Variants in TBC1D16 observed in about 807,000 individuals in gnomAD.
The protein encoded by TBC1D16 is CTD-2529O21.1.
In TBC1D16, 58 loss-of-function variants were observed where a neutral mutation model predicts 74.7. The ratio of observed to expected loss-of-function variants is 0.78; its 90% confidence interval spans 0.63 to 0.97. The LOEUF is 0.97. Among genes scored for constraint, TBC1D16 ranks in the 50% least tolerant of loss-of-function variants. The pLI is 0.00. For synonymous variants in TBC1D16, 493 were observed against 474.7 expected, an observed-to-expected ratio of 1.04 and a Z score of -0.50; for missense variants, 1,014 against 1,079.5, an observed-to-expected ratio of 0.94 and a Z score of 0.85.
intron 1 of TBC1D16, among the ~76,000 whole-genome samples, chr17:80,017,680 C>CA (rs57336950): frequency 0.13 from 11,228 of 84,516 alleles, 595 homozygotes; most frequent in Non-Finnish European, 0.17. Context: ...GACTCCATCT[C>CA]AAAAAAAAAA....
At chr17:80,004,013 C>A (rs1010187387) in intron 3 of TBC1D16, among the ~76,000 whole-genome samples, 7 of 152,226 alleles carry the variant, frequency 4.6e-5, no homozygotes, top group African/African-American at 7.2e-5. Context: ...TGTGCTGCCG[C>A]CACCGTATGC....
At chr17:80,005,401 A>G (rs1267629103) in intron 3 of TBC1D16, among the ~76,000 whole-genome samples, 2 of 152,228 alleles carry the variant, frequency 1.3e-5, no homozygotes, top group African/African-American at 2.4e-5. Flanking sequence ...CCCTCGCCCA[A>G]CTGGCCTTTT....
chr17:80,000,828 G>T lies in TBC1D16; in HGVS notation c.779+9332C>A, dbSNP rs1047393259. Among the ~76,000 whole-genome samples the T allele has an allele frequency of 6.6e-6, 1 of 152,228 alleles. No individual in the cohort carries two copies. The highest frequency in any genetic ancestry group is 1.5e-5 in the Non-Finnish European group (1 of 68,034). On this transcript the variant is annotated intron_variant, in intron 3 of 11. Transcript: ENST00000310924. The surrounding 1 kb of genome is among the most constrained non-coding windows in gnomAD (Gnocchi z 4.1). ...AGGCCACCCCCTGCGGGTCTTGAGT[G>T]GAGCTTGGATTCACAGCTGGGTCTC...
rs964537456 is a variant in TBC1D16, at chr17:79,936,911, T to TGTGTGCATGTGCGC, written c.*3947_*3948insGCGCACATGCACAC. The TGTGTGCATGTGCGC allele has an allele frequency of 1.1e-5, 1 of 93,258 alleles. No individual in the cohort carries two copies. Among genetic ancestry groups the TGTGTGCATGTGCGC allele is most frequent in the Admixed American group, 1.2e-4 (1 of 8,686 alleles). The allele number at this position is 93,258 out of a possible 1,614,324, so 5.8% of individuals were successfully genotyped here. On this transcript the variant is annotated 3_prime_UTR_variant, in exon 12 of 12. Coordinates refer to ENST00000310924, the MANE Select transcript of TBC1D16 (RefSeq NM_019020.4). ...GCATGCGTGCGTGTGTGCATGTGCGTGTGTGTGTGTGTGTGTGTGTGTGTG... is the reference window on the plus strand; with the variant it reads ...GCATGCGTGCGTGTGTGCATGTGCGTGTGTGCATGTGCGCGTGTGTGTGTGTGTGTGTGTGTGTG...
At chr17:79,960,809 A>AAAAAAAAAAAC (rs2033576160) in intron 3 of TBC1D16, among the ~76,000 whole-genome samples, 1 of 136,146 alleles carries the variant, frequency 7.3e-6, no homozygotes, top group African/African-American at 2.9e-5. Flanking sequence ...AAAAAAAAAA[A>AAAAAAAAAAAC]CGAAGGAATG....
chr17:80,028,541 GA>G (rs1018689901), intron 1 of TBC1D16, among the ~76,000 whole-genome samples: 11 of 148,978 alleles, frequency 7.4e-5, no homozygotes, highest in East Asian at 4.0e-4. Flanking sequence ...AAAAGAAAAA[GA>G]AAAAAAAGAA....
chr17:79,979,400 TGGCCCTCTCGA>T lies in TBC1D16; in HGVS notation c.780-26593_780-26583del, dbSNP rs933668658. On this transcript the variant is annotated intron_variant, in intron 3 of 11. Coordinates refer to ENST00000310924, the MANE Select transcript of TBC1D16 (RefSeq NM_019020.4). This position sits in a 1 kb window ranked among gnomAD's most constrained non-coding sequence, Gnocchi z 4.8. Reference sequence around the variant, plus strand: ...GGCATCCCCAGTGCCGCCAATCACGTGGCCCTCTCGAGGTGAAGCTGCGACACTGTGTGGAA... The same window carrying T: ...GGCATCCCCAGTGCCGCCAATCACGTGGTGAAGCTGCGACACTGTGTGGAA... Among the ~76,000 whole-genome samples, 1 of 152,102 alleles carries T rather than the reference TGGCCCTCTCGA, an allele frequency of 6.6e-6. No homozygotes were observed. The highest frequency in any genetic ancestry group is 2.4e-5 in the African/African-American group (1 of 41,434).
intron 2 of TBC1D16, among the ~76,000 whole-genome samples, chr17:80,012,445 G>A (rs546397997): frequency 2.2e-4 from 34 of 152,316 alleles, no homozygotes; most frequent in Admixed American, 4.6e-4. Context: ...TATCAAGGCA[G>A]GGGGACAGAA....
Position 79,944,393 on chromosome 17 carries a change from T to G in TBC1D16, c.1908+515A>C, listed in dbSNP as rs11869820. On this transcript the variant is annotated intron_variant, in intron 10 of 11. Coordinates refer to ENST00000310924, the MANE Select transcript of TBC1D16 (RefSeq NM_019020.4). This position sits in a 1 kb window ranked among gnomAD's most constrained non-coding sequence, Gnocchi z 7.7. ...GCCAGTGCTGTGCTCCAAGGGGAAT[T>G]TGCTGAGAAGATGCTGGTGACGGTG... Among the ~76,000 whole-genome samples, 216 of 152,310 alleles carry G rather than the reference T, an allele frequency of 1.4e-3. No homozygotes were observed. Among genetic ancestry groups the G allele is most frequent in the African/African-American group, 4.7e-3 (194 of 41,566 alleles).
chr17:80,000,918 C>A lies in TBC1D16; in HGVS notation c.779+9242G>T, dbSNP rs1161923835. Reference sequence around the variant, plus strand: ...GCCAGCCCCTTCTCTGCCTAGACATCATGTGTGAGCCAAACAGCCATGCCA... The same window carrying A: ...GCCAGCCCCTTCTCTGCCTAGACATAATGTGTGAGCCAAACAGCCATGCCA... On this transcript the variant is annotated intron_variant, in intron 3 of 11. Transcript: ENST00000310924. This position sits in a 1 kb window ranked among gnomAD's most constrained non-coding sequence, Gnocchi z 4.1. 6.6e-6 allele frequency among the ~76,000 whole-genome samples: 1 copy of A among 152,232 alleles called. No homozygotes were observed. Among genetic ancestry groups the A allele is most frequent in the Non-Finnish European group, 1.5e-5 (1 of 68,044 alleles).
chr17:79,946,845 G>A (rs1457978377), intron 9 of TBC1D16, among the ~76,000 whole-genome samples: 2 of 152,336 alleles, frequency 1.3e-5, no homozygotes, highest in African/African-American at 2.4e-5. Flanking sequence ...CCCGGTGCAG[G>A]AGCCCTCTTG....
intron 3 of TBC1D16, among the ~76,000 whole-genome samples, chr17:79,967,135 TC>T (rs1340705493): frequency 6.6e-6 from 1 of 152,206 alleles, no homozygotes; most frequent in African/African-American, 2.4e-5. Context: ...CTAAAAGTTT[TC>T]CCCCATATAA....
rs2034826733 is a variant in TBC1D16, at chr17:79,986,179, T to C, written c.779+23981A>G. ...CACTGCAGTGCCAATTTCCTCGTGG[T>C]CCCAAAGTGCGGGAGGGAGGGCAGG... On this transcript the variant is annotated intron_variant, in intron 3 of 11. Transcript: ENST00000310924. This position sits in a 1 kb window ranked among gnomAD's most constrained non-coding sequence, Gnocchi z 6.0. 6.6e-6 allele frequency among the ~76,000 whole-genome samples: 1 copy of C among 152,158 alleles called. No homozygotes were observed. Among genetic ancestry groups the C allele is most frequent in the South Asian group, 2.1e-4 (1 of 4,822 alleles).
intron 3 of TBC1D16, among the ~76,000 whole-genome samples, chr17:79,959,380 T>C (rs1410754032): frequency 1.3e-5 from 2 of 152,190 alleles, no homozygotes; most frequent in East Asian, 3.8e-4. Flanking sequence ...GAATTTTTAG[T>C]GAAAATTGAT....
rs142567822 is a variant in TBC1D16, at chr17:80,003,558, G to A, written c.779+6602C>T. Among the ~76,000 whole-genome samples, 26 of 152,076 alleles carry A rather than the reference G, an allele frequency of 1.7e-4. No homozygotes were observed. The East Asian group carries it at 3.1e-3, about 18-fold the overall frequency. On this transcript the variant is annotated intron_variant, in intron 3 of 11. Coordinates refer to ENST00000310924, the MANE Select transcript of TBC1D16 (RefSeq NM_019020.4). ...ATGCTTAGCGTCCCCAAATGTGCAG[G>A]TTCTCCCCTTCTGTCTATTTTTATA...
chr17:79,997,386 G>C (rs1404025853), intron 3 of TBC1D16, among the ~76,000 whole-genome samples: 7 of 151,206 alleles, frequency 4.6e-5, no homozygotes, highest in Non-Finnish European at 8.8e-5. Context: ...TAGTTACTTC[G>C]AAATAAAAAC....
At chr17:79,976,270 C>T (rs116618485) in intron 3 of TBC1D16, among the ~76,000 whole-genome samples, 26 of 152,338 alleles carry the variant, frequency 1.7e-4, no homozygotes, top group African/African-American at 6.0e-4. Context: ...GGCCCCTGCA[C>T]TGTCCCAGGC....
At chr17:79,966,397 C>T (rs1169868205) in intron 3 of TBC1D16, among the ~76,000 whole-genome samples, 1 of 152,164 alleles carries the variant, frequency 6.6e-6, no homozygotes, top group African/African-American at 2.4e-5. Context: ...ACCATGCCCC[C>T]ACTAGATCAC....
intron 3 of TBC1D16, 44 bp from the exon 4 acceptor site, chr17:79,952,862 C>T (rs774213597): frequency 1.9e-6 from 3 of 1,569,760 alleles, no homozygotes; most frequent in Non-Finnish European, 2.6e-6. Context: ...TTCTCCCTGC[C>T]CACACTACCC....
Sources: gnomAD v4.1 joint callset for allele counts (sites outside exome capture counted in the v4.1 genomes callset) on GRCh38, gnomAD v4.1.1 for gene constraint, Gnocchi (gnomAD v3.1) non-coding constraint, MANE v1.5 for transcripts, NCBI Gene and HGNC (gene_info 2026-07-23, HGNC 2026-07-21) for gene names.